CSGALNACT1: variants seen among roughly 807,000 people sequenced by gnomAD.
The protein encoded by CSGALNACT1 is chondroitin sulfate N-acetylgalactosaminyltransferase 1.
CSGALNACT1 carries 52 observed loss-of-function variants against 51.0 expected under a neutral mutation model. The observed-to-expected ratio is 1.02, with a 90% CI of 0.82 to 1.29. The LOEUF (loss-of-function observed/expected upper bound fraction) is 1.29, where lower values mean the gene tolerates loss of function less well. Among genes scored for constraint, CSGALNACT1 ranks in the 50% most tolerant of loss-of-function variants. CSGALNACT1 has a pLI of 0.00. For missense variants in CSGALNACT1, 935 were observed against 679.2 expected, an observed-to-expected ratio of 1.38 and a Z score of -4.19; for synonymous variants, 341 against 254.4, an observed-to-expected ratio of 1.34 and a Z score of -3.24.
intron 1 of CSGALNACT1, among the ~76,000 whole-genome samples, chr8:19,738,468 G>A (rs1488693509): frequency 6.6e-6 from 1 of 152,152 alleles, no homozygotes; most frequent in African/African-American, 2.4e-5. Flanking sequence ...GTTGTCAGGG[G>A]CTGGAGGATG....
At chr8:19,521,917 G>T (rs2080806254) in intron 3 of CSGALNACT1, among the ~76,000 whole-genome samples, 1 of 152,210 alleles carries the variant, frequency 6.6e-6, no homozygotes, top group African/African-American at 2.4e-5. Flanking sequence ...CTGCGTCGTG[G>T]TAAGACTTCA....
At chr8:19,422,145 TAA>T (rs113935110) in intron 6 of CSGALNACT1, among the ~76,000 whole-genome samples, 10 of 152,158 alleles carry the variant, frequency 6.6e-5, no homozygotes, top group Non-Finnish European at 1.5e-4. Context: ...TTTCTTTGGT[TAA>T]AAAAACTTAC....
At chr8:19,436,294 T>A (rs948337982) in intron 6 of CSGALNACT1, among the ~76,000 whole-genome samples, 4 of 152,158 alleles carry the variant, frequency 2.6e-5, no homozygotes, top group Admixed American at 2.6e-4. Flanking sequence ...AACTATGGGT[T>A]TTAGGAGCGA....
At chr8:19,411,575 G>C (rs2055748116) in intron 8 of CSGALNACT1, among the ~76,000 whole-genome samples, 1 of 152,214 alleles carries the variant, frequency 6.6e-6, no homozygotes, top group African/African-American at 2.4e-5. Flanking sequence ...GAACCTCTCA[G>C]AATCCTGTGG....
At chr8:19,686,403 T>G (rs188737286), upstream of CSGALNACT1, among the ~76,000 whole-genome samples, 615 of 152,318 alleles carry the variant, frequency 4.0e-3, 2 homozygotes, top group African/African-American at 0.014. Context: ...TCTCAGGAGC[T>G]ACAGGAGTCT....
chr8:19,614,652 G>C (rs2052749460), intron 1 of CSGALNACT1, among the ~76,000 whole-genome samples: 1 of 151,978 alleles, frequency 6.6e-6, no homozygotes, highest in Admixed American at 6.6e-5. Context: ...ATTCTATATA[G>C]GGCCTGGTAC....
intron 1 of CSGALNACT1, among the ~76,000 whole-genome samples, chr8:19,692,264 A>G (rs537739061): frequency 1.3e-5 from 2 of 152,300 alleles, no homozygotes; most frequent in South Asian, 2.1e-4. Context: ...TACTAAAACA[A>G]AAATGGAGTG....
intron 1 of CSGALNACT1, among the ~76,000 whole-genome samples, chr8:19,648,509 A>T (rs1163841180): frequency 1.3e-5 from 2 of 152,210 alleles, no homozygotes; most frequent in East Asian, 3.8e-4. Context: ...ATGAAATCCT[A>T]AGAATGGAAA....
intron 3 of CSGALNACT1, among the ~76,000 whole-genome samples, chr8:19,520,763 A>G (rs10110641): frequency 0.14 from 20,969 of 152,098 alleles, 3,914 homozygotes; most frequent in African/African-American, 0.42. Context: ...TGCTATCTCC[A>G]TCTTCCTTTT....
At chr8:19,732,818 ATTG>A (rs1342858615) in intron 1 of CSGALNACT1, among the ~76,000 whole-genome samples, 2 of 152,200 alleles carry the variant, frequency 1.3e-5, no homozygotes, top group African/African-American at 2.4e-5. Context: ...GGGCAGTTTA[ATTG>A]TTGTTGTGGT....
intron 1 of CSGALNACT1, among the ~76,000 whole-genome samples, chr8:19,633,424 C>A (rs889159825): frequency 2.6e-5 from 4 of 152,116 alleles, no homozygotes; most frequent in Admixed American, 2.6e-4. Context: ...AAAGTCTCAG[C>A]CCCAAAACTT....
chr8:19,665,428 G>A (rs533431450), intron 1 of CSGALNACT1, among the ~76,000 whole-genome samples: 3 of 151,658 alleles, frequency 2.0e-5, no homozygotes, highest in East Asian at 1.9e-4. Context: ...CTAAGATAAC[G>A]TCCGGGGCCA....
At chr8:19,692,767 G>T (rs2061396598) in intron 1 of CSGALNACT1, among the ~76,000 whole-genome samples, 1 of 152,192 alleles carries the variant, frequency 6.6e-6, no homozygotes, top group Non-Finnish European at 1.5e-5. Context: ...AAGTCTAGCT[G>T]CTGAGGCTTC....
chr8:19,498,046 C>T (rs748809113), intron 4 of CSGALNACT1, among the ~76,000 whole-genome samples: 4 of 152,200 alleles, frequency 2.6e-5, no homozygotes, highest in Admixed American at 6.5e-5. Flanking sequence ...TGTGCCCTGA[C>T]CACCTTGGGC....
At chr8:19,414,157 C>G (rs4541947) in intron 8 of CSGALNACT1, among the ~76,000 whole-genome samples, 16,077 of 152,198 alleles carry the variant, frequency 0.11, 904 homozygotes, top group South Asian at 0.18. Flanking sequence ...AGGTCTTTCT[C>G]CTGCACCCCC....
intron 4 of CSGALNACT1, among the ~76,000 whole-genome samples, chr8:19,489,739 AC>A (rs1204913917): frequency 1.3e-5 from 2 of 152,210 alleles, no homozygotes; most frequent in Admixed American, 1.3e-4. Flanking sequence ...GGCTGTCTTC[AC>A]GATGACATCT....
chr8:19,553,091 A>T (rs1347040686), intron 3 of CSGALNACT1, among the ~76,000 whole-genome samples: 1 of 152,204 alleles, frequency 6.6e-6, no homozygotes, highest in Non-Finnish European at 1.5e-5. Context: ...TAGTACAGAA[A>T]TTTGAGCCTG....
In CSGALNACT1 at chr8:19,708,434, C is replaced by T. The variant is rs2062309155; in HGVS notation, c.-297+49416G>A. Among the ~76,000 whole-genome samples, 3 of 152,132 alleles carry T rather than the reference C, an allele frequency of 2.0e-5. No individual in the cohort carries two copies. In the South Asian group the frequency reaches 6.2e-4, roughly 31 times the overall value. On this transcript the variant is annotated intron_variant, in intron 1 of 1. Coordinates refer to the CSGALNACT1 transcript ENST00000517494. ...ATTTTCCTGAAAGTCACATGGGTTC[C>T]ATTATGAGTAATATATTCACAGCGG...
intron 1 of CSGALNACT1, among the ~76,000 whole-genome samples, chr8:19,704,020 A>G (rs1354919209): frequency 6.6e-6 from 1 of 152,178 alleles, no homozygotes; most frequent in African/African-American, 2.4e-5. Flanking sequence ...CCACTCAGTA[A>G]GCCTAACACA....
Sources: gnomAD v4.1 joint callset for allele counts (sites outside exome capture counted in the v4.1 genomes callset) on GRCh38, gnomAD v4.1.1 for gene constraint, MANE v1.5 for transcripts, NCBI Gene and HGNC (gene_info 2026-07-23, HGNC 2026-07-21) for gene names.